Variants in RBM28 observed in about 807,000 individuals in gnomAD.
The protein encoded by RBM28 is RNA binding motif protein 28.
In RBM28, 78 loss-of-function variants were observed where a neutral mutation model predicts 98.3. The ratio of observed to expected loss-of-function variants is 0.79; its 90% confidence interval spans 0.66 to 0.96. The LOEUF (loss-of-function observed/expected upper bound fraction) is 0.96. RBM28 is among the 40% of genes least tolerant of loss of function. The pLI is 0.00. For synonymous variants in RBM28, 306 were observed against 330.9 expected, an observed-to-expected ratio of 0.92 and a Z score of 0.82; for missense variants, 838 against 913.0, an observed-to-expected ratio of 0.92 and a Z score of 1.06.
intron 14 of RBM28, among the ~76,000 whole-genome samples, chr7:128,318,869 A>C (rs557763824): frequency 2.0e-5 from 3 of 152,332 alleles, no homozygotes; most frequent in Admixed American, 6.5e-5. Flanking sequence ...AAATTATTGA[A>C]GAAGGAAAGG....
chr7:128,304,344 C>T lies in RBM28; in HGVS notation c.*6453G>A, dbSNP rs1205525312. 2 of 152,300 alleles carry T rather than the reference C, an allele frequency of 1.3e-5. No individual in the cohort carries two copies. The highest frequency in any genetic ancestry group is 3.9e-4 in the East Asian group (2 of 5,188). 9.4% of individuals were successfully genotyped at this position (152,300 alleles called of 1,614,324 possible). A position where few individuals can be genotyped will look rare whatever the true frequency, so the allele number is the denominator to read the frequency against. ...TTTGTTACTATCTGATTCAACAAAG[C>T]AGTCACTCATTTCATGGAATGGATA... On this transcript the variant is annotated 3_prime_UTR_variant, in exon 19 of 19. Transcript: ENST00000223073.
chr7:128,335,933 A>T lies in RBM28; in HGVS notation c.723T>A (p.Asp241Glu), dbSNP rs1554403606. Residue 241 changes from aspartate to glutamate, a missense_variant, in exon 7 of 19, where the codon GAT becomes GAA. Transcript: ENST00000223073. ...CATCATCAAAAACCCCATCTTCTTC[A>T]TCATCATCATCGTCATCATCATCGT... The part of the protein sequence containing the change: ...EENDDDDDDD[D>E]EEDGVFDDED... The T allele has an allele frequency of 1.9e-6, 3 of 1,601,274 alleles. No homozygotes were observed. Among genetic ancestry groups the T allele is most frequent in the South Asian group, 1.1e-5 (1 of 90,838 alleles).
At chr7:128,336,639 G>A (rs1251882211) in intron 6 of RBM28, among the ~76,000 whole-genome samples, 1 of 152,204 alleles carries the variant, frequency 6.6e-6, no homozygotes, top group East Asian at 1.9e-4. Context: ...AATATGAATT[G>A]ACAAACAGAC....
At chr7:128,319,245 T>C (rs1796170584) in intron 14 of RBM28, among the ~76,000 whole-genome samples, 2 of 152,192 alleles carry the variant, frequency 1.3e-5, no homozygotes, top group Admixed American at 1.3e-4. Context: ...AAGCATATAA[T>C]GAAGATCCTG....
intron 14 of RBM28, among the ~76,000 whole-genome samples, chr7:128,319,742 G>T (rs1158605530): frequency 6.6e-6 from 1 of 152,216 alleles, no homozygotes; most frequent in East Asian, 1.9e-4. Flanking sequence ...GTGACTGACA[G>T]ACAGTTTGAG....
In RBM28 at chr7:128,308,291, G is replaced by A. The variant is rs977349080; in HGVS notation, c.*2506C>T. The A allele has an allele frequency of 1.1e-4, 16 of 152,210 alleles. No homozygotes were observed. Among genetic ancestry groups the A allele is most frequent in the African/African-American group, 3.4e-4 (14 of 41,440 alleles). 9.4% of individuals were successfully genotyped at this position (152,210 alleles called of 1,614,324 possible). A position where few individuals can be genotyped will look rare whatever the true frequency, so the allele number is the denominator to read the frequency against. On this transcript the variant is annotated 3_prime_UTR_variant, in exon 19 of 19. Coordinates refer to ENST00000223073, the MANE Select transcript of RBM28 (RefSeq NM_018077.3). ...TTTGGATCTAAGAGAATCTGACAAT[G>A]TTATCTGAATGAACACCAATTTTGA...
intron 5 of RBM28, among the ~76,000 whole-genome samples, chr7:128,337,861 G>A (rs182399177): frequency 5.9e-5 from 9 of 152,118 alleles, no homozygotes; most frequent in South Asian, 2.1e-4. Context: ...GCACCTGGCC[G>A]GCAATAACTT....
In RBM28 at chr7:128,343,655, C is replaced by G. The variant is rs200983846; in HGVS notation, c.118+21G>C. 483 of 1,589,390 alleles carry G rather than the reference C, an allele frequency of 3.0e-4. 1 individual carries two copies. In the African/African-American group the frequency reaches 6.2e-3, roughly 20 times the overall value. On this transcript the variant is annotated intron_variant, in intron 1 of 18. Coordinates refer to ENST00000223073, the MANE Select transcript of RBM28 (RefSeq NM_018077.3). The stretch of plus-strand genomic sequence containing the variant: ...CGATCGCAGGAAACCCCAGCCCTAT[C>G]CTCGACCGCCCCGCCCCTACCTTTT...
chr7:128,308,351 T>TTCTTTTGCTGTGCAG lies in RBM28; in HGVS notation c.*2445_*2446insCTGCACAGCAAAAGA, dbSNP rs1554399017. 1.3e-5 allele frequency: 2 copies of TTCTTTTGCTGTGCAG among 152,290 alleles called. No individual in the cohort carries two copies. The highest frequency in any genetic ancestry group is 1.5e-5 in the Non-Finnish European group (1 of 68,000). 9.4% of individuals were successfully genotyped at this position (152,290 alleles called of 1,614,324 possible). A position where few individuals can be genotyped will look rare whatever the true frequency, so the allele number is the denominator to read the frequency against. Reference sequence around the variant, plus strand: ...AGTGTTAAGATATATTTTTGAATGTTAAAGATATTCGTGTACTAGGGAAAA... The same window carrying TTCTTTTGCTGTGCAG: ...AGTGTTAAGATATATTTTTGAATGTTTCTTTTGCTGTGCAGAAAGATATTCGTGTACTAGGGAAAA... On this transcript the variant is annotated 3_prime_UTR_variant, in exon 19 of 19. Transcript: ENST00000223073.
chr7:128,343,862 G>A lies in RBM28; in HGVS notation c.-69C>T. ...GCCGGCGCACGCGAGCCGAAACGCT[G>A]GCTTTGGTAGGACAACCAAGCTCAC... On this transcript the variant is annotated 5_prime_UTR_variant, in exon 1 of 19. Transcript: ENST00000223073. The A allele has an allele frequency of 8.9e-7, 1 of 1,127,672 alleles. No individual in the cohort carries two copies. The highest frequency in any genetic ancestry group is 1.3e-6 in the Non-Finnish European group (1 of 794,796). 69.9% of individuals were successfully genotyped at this position (1,127,672 alleles called of 1,614,324 possible).
At chr7:128,342,886 A>G (rs1796757887) in intron 1 of RBM28, among the ~76,000 whole-genome samples, 1 of 151,932 alleles carries the variant, frequency 6.6e-6, no homozygotes, top group South Asian at 2.1e-4. Context: ...TCACTCTCTC[A>G]CCTCAGTCCG....
At chr7:128,340,420 C>A (rs1388834106) in intron 1 of RBM28, among the ~76,000 whole-genome samples, 1 of 152,154 alleles carries the variant, frequency 6.6e-6, no homozygotes, top group Non-Finnish European at 1.5e-5. Context: ...CGCCATGACA[C>A]CCTGCACTGT....
chr7:128,336,104 A>T, intron 6 of RBM28, 62 bp from the exon 7 acceptor site: 1 of 1,436,934 alleles, frequency 7.0e-7, no homozygotes, highest in Non-Finnish European at 9.5e-7. Context: ...TTATTTTAAC[A>T]AAAGTAACCA....
chr7:128,335,718 C>A, intron 7 of RBM28, 39 bp from the exon 8 acceptor site: 1 of 1,614,024 alleles, frequency 6.2e-7, no homozygotes. Flanking sequence ...GGTGGGCTGA[C>A]AGAGGGCCTA....
intron 8 of RBM28, among the ~76,000 whole-genome samples, chr7:128,334,086 A>G (rs968611681): frequency 6.6e-6 from 1 of 152,238 alleles, no homozygotes; most frequent in Non-Finnish European, 1.5e-5. Context: ...ATATCTATAG[A>G]TACACAAGAA....
rs1046030430 is a variant in RBM28, at chr7:128,302,302, G to A, written c.*8495C>T. On this transcript the variant is annotated 3_prime_UTR_variant, in exon 19 of 19. Transcript: ENST00000223073. The stretch of plus-strand genomic sequence containing the variant: ...GGCTGGCTGCGGGCAGGAGAGCTGG[G>A]CTCATTCGTTCTGGCAGCTGTCCCT... The A allele has an allele frequency of 4.6e-5, 7 of 152,266 alleles. No homozygotes were observed. The highest frequency in any genetic ancestry group is 7.3e-5 in the Non-Finnish European group (5 of 68,090). 9.4% of individuals were successfully genotyped at this position (152,266 alleles called of 1,614,324 possible).
At position 128,305,341 on chromosome 7, in the gene RBM28, T is replaced by A. The variant is rs1380497277; in HGVS notation, c.*5456A>T. 6.6e-6 allele frequency: 1 copy of A among 152,040 alleles called. No individual in the cohort carries two copies. The highest frequency in any genetic ancestry group is 1.5e-5 in the Non-Finnish European group (1 of 68,030). The allele number at this position is 152,040 out of a possible 1,614,324, so 9.4% of individuals were successfully genotyped here. ...TCTGCAGTAGTATCCAAAGCAAAAA[T>A]TTCATCAGAAGGATGGCATTGGAGT... On this transcript the variant is annotated 3_prime_UTR_variant, in exon 19 of 19. Transcript: ENST00000223073.
At chr7:128,337,851 G>A (rs552112699) in intron 5 of RBM28, among the ~76,000 whole-genome samples, 82 of 152,138 alleles carry the variant, frequency 5.4e-4, no homozygotes, top group African/African-American at 1.8e-3. Context: ...GTGAGCCACC[G>A]CACCTGGCCG....
chr7:128,321,909 A>G (rs555240867), intron 13 of RBM28, among the ~76,000 whole-genome samples: 1 of 152,106 alleles, frequency 6.6e-6, no homozygotes, highest in Admixed American at 6.6e-5. Flanking sequence ...TTAGCCAGGC[A>G]TAGTAGTGCA....
Sources: allele counts gnomAD v4.1 joint callset (sites outside exome capture counted in the v4.1 genomes callset), GRCh38; gene constraint gnomAD v4.1.1; transcripts MANE v1.5; gene names NCBI Gene and HGNC (gene_info 2026-07-23, HGNC 2026-07-21).